Variants in ALKBH5 observed in about 807,000 individuals in gnomAD.
ALKBH5 encodes RNA demethylase ALKBH5.
A neutral mutation model predicts 32.1 loss-of-function variants in ALKBH5; 2 were observed. That is an observed-to-expected ratio of 0.06 (90% CI 0.03 to 0.20). ALKBH5 has a LOEUF of 0.20. ALKBH5 is among the 10% of genes least tolerant of loss of function. The pLI, the probability that ALKBH5 is intolerant of heterozygous loss-of-function variation, is 1.00. For missense variants in ALKBH5, 352 were observed against 559.5 expected (o/e 0.63, Z 3.74); for synonymous variants, 300 against 231.7 (o/e 1.29, Z -2.68).
In ALKBH5 at chr17:18,184,012, G is replaced by A. The variant is rs1331828430; in HGVS notation, c.-232G>A. ...GCGCCCCTGCCCCGCGGGACGTGGA[G>A]AAGGTGGAGGAGGAAGAAGCCCCGT... On this transcript the variant is annotated 5_prime_UTR_variant, in exon 1 of 4. Transcript: ENST00000399138. 3.0e-6 allele frequency: 2 copies of A among 667,300 alleles called. No individual in the cohort carries two copies. Among genetic ancestry groups the A allele is most frequent in the Non-Finnish European group, 5.5e-6 (2 of 365,896 alleles). 41.3% of individuals were successfully genotyped at this position (667,300 alleles called of 1,614,324 possible).
chr17:18,184,627 A>G lies in ALKBH5; in HGVS notation c.384A>G (p.Pro128=), dbSNP rs200511785. 145 of 1,613,216 alleles carry G rather than the reference A, an allele frequency of 9.0e-5. 2 individuals carry two copies. Among genetic ancestry groups the G allele is most frequent in the Non-Finnish European group, 1.1e-4 (135 of 1,179,992 alleles). ...ACGAGCACACGGTGGACCGGGCCCC[A>G]CTGCGCAACAAGTACTTCTTCGGCG... is the stretch of plus-strand genomic sequence containing the variant. ...LYNEHTVDRA[P]LRNKYFFGEG... The change falls in exon 1 of 4, where the codon CCA becomes CCG. Residue 128 remains proline (P), a synonymous_variant. Coordinates refer to ENST00000399138, the MANE Select transcript of ALKBH5 (RefSeq NM_017758.4).
chr17:18,186,455 C>T (rs1473366595), intron 1 of ALKBH5, among the ~76,000 whole-genome samples: 1 of 152,228 alleles, frequency 6.6e-6, no homozygotes, highest in East Asian at 1.9e-4. Flanking sequence ...ACCATTTGGT[C>T]TCTTAGCGGG....
At chr17:18,192,118 C>T (rs1002402033) in intron 1 of ALKBH5, among the ~76,000 whole-genome samples, 1 of 152,178 alleles carries the variant, frequency 6.6e-6, no homozygotes, top group African/African-American at 2.4e-5. Flanking sequence ...CCAGGCGGCC[C>T]CCACTACTGG....
intron 1 of ALKBH5, among the ~76,000 whole-genome samples, chr17:18,190,572 AT>A (rs1159739271): frequency 6.2e-5 from 9 of 146,146 alleles, no homozygotes; most frequent in Non-Finnish European, 1.1e-4. Context: ...AAAAAAAAAA[AT>A]TTCAGACACC....
At chr17:18,205,630 C>T (rs1433860141) in intron 2 of ALKBH5, among the ~76,000 whole-genome samples, 2 of 152,216 alleles carry the variant, frequency 1.3e-5, no homozygotes, top group Non-Finnish European at 2.9e-5. Context: ...GCATGACTTA[C>T]TGCCTTTCTG....
rs61999283 is a variant in ALKBH5, at chr17:18,184,442, G to C, written c.199G>C (p.Glu67Gln). 1 of 1,606,156 alleles carries C rather than the reference G, an allele frequency of 6.2e-7. No individual in the cohort carries two copies. Among genetic ancestry groups the C allele is most frequent in the Non-Finnish European group, 8.5e-7 (1 of 1,176,748 alleles). ...KRKYQEDSDP[E>Q]RSDYEEQQLQ... ...CAAGTATCAGGAGGACTCGGACCCC[G>C]AGCGCAGCGACTATGAGGAGCAGCA... The change falls in exon 1 of 4, where the codon GAG (glutamate) becomes CAG (glutamine). Residue 67 changes from glutamate to glutamine, a missense_variant. Transcript: ENST00000399138.
intron 1 of ALKBH5, among the ~76,000 whole-genome samples, chr17:18,190,462 T>G (rs1220167203): frequency 6.6e-6 from 1 of 151,152 alleles, no homozygotes; most frequent in Non-Finnish European, 1.5e-5. Flanking sequence ...AGGCAGAGAA[T>G]TGCTTGAACC....
chr17:18,207,039 C>G (rs1360955352), intron 3 of ALKBH5, 69 bp downstream of exon 3: 1 of 1,571,636 alleles, frequency 6.4e-7, no homozygotes, highest in Non-Finnish European at 8.6e-7. Flanking sequence ...GGTGGAGAAG[C>G]CTGGGGTAGG....
chr17:18,195,007 G>C lies in ALKBH5; in HGVS notation c.823G>C (p.Glu275Gln). Residue 275 changes from glutamate (E) to glutamine (Q), a missense_variant, in exon 2 of 4, where the codon GAG becomes CAG. Transcript: ENST00000399138. ...CTGCATACGGCCTCAGGACATCAAG[G>C]AGCGCCGAGCAGTCATCATCCTCAG... is the stretch of plus-strand genomic sequence containing the variant. ...THCIRPQDIK[E>Q]RRAVIILRKT... 14 of 1,613,714 alleles carry C rather than the reference G, an allele frequency of 8.7e-6. No homozygotes were observed. The highest frequency in any genetic ancestry group is 1.2e-5 in the Non-Finnish European group (14 of 1,179,968).
At position 18,184,302 on chromosome 17, in the gene ALKBH5, G is replaced by T; in HGVS notation, c.59G>T (p.Arg20Leu). ...GAGAAGCTCAAGTCCATGACGTCCC[G>T]GGACAACTATAAGGCGGGCAGCCGG... is the stretch of plus-strand genomic sequence containing the variant. ...LREKLKSMTS[R>L]DNYKAGSREA... is the part of the protein sequence containing the mutation. Residue 20 changes from arginine (R) to leucine (L), a missense_variant, in exon 1 of 4, where the codon CGG becomes CTG. This residue lies in a region of ALKBH5 where 144 missense variants were observed against 125.8 expected (regional missense o/e 1.14). Coordinates refer to ENST00000399138, the MANE Select transcript of ALKBH5 (RefSeq NM_017758.4). The T allele has an allele frequency of 6.5e-7, 1 of 1,527,594 alleles. No homozygotes were observed. The highest frequency in any genetic ancestry group is 2.6e-5 in the East Asian group (1 of 38,874). The allele number at this position is 1,527,594 out of a possible 1,614,324, so 94.6% of individuals were successfully genotyped here.
chr17:18,201,786 G>GATAA lies in ALKBH5; in HGVS notation c.852-5029_852-5028insATAA, dbSNP rs200689873. ...AGATAGATAGATAGATAGATAGATA[G>GATAA]GATAGATAAGATAGATAGATAGATA... On this transcript the variant is annotated intron_variant, in intron 2 of 3. Coordinates refer to ENST00000399138, the MANE Select transcript of ALKBH5 (RefSeq NM_017758.4). 7.5e-4 allele frequency among the ~76,000 whole-genome samples: 63 copies of GATAA among 84,362 alleles called. 1 individual carries two copies. Among genetic ancestry groups the GATAA allele is most frequent in the Middle Eastern group, 7.0e-3 (1 of 142 alleles). The allele number at this position is 84,362 out of a possible 152,430, so 55.3% of individuals were successfully genotyped here.
intron 2 of ALKBH5, among the ~76,000 whole-genome samples, chr17:18,201,801 A>AT (rs1408591779): frequency 8.4e-5 from 5 of 59,750 alleles, no homozygotes; most frequent in African/African-American, 1.7e-4. Flanking sequence ...GATAAGATAG[A>AT]TAGATAGATA....
At position 18,184,200 on chromosome 17, in the gene ALKBH5, GC is replaced by G; in HGVS notation, c.-40del. On this transcript the variant is annotated 5_prime_UTR_variant, in exon 1 of 4. An upstream open reading frame in the 5' UTR loses its in-frame stop. Transcript: ENST00000399138. Reference sequence around the variant, plus strand: ...CGTCCCCTTAGAGCCATGCCCGGCTGCCCCGCCCGCCCCGGAGGACCCTAGA... The same window carrying G: ...CGTCCCCTTAGAGCCATGCCCGGCTGCCCGCCCGCCCCGGAGGACCCTAGA... 6.9e-7 allele frequency: 1 copy of G among 1,448,658 alleles called. No homozygotes were observed. Among genetic ancestry groups the G allele is most frequent in the Non-Finnish European group, 9.1e-7 (1 of 1,103,658 alleles). 89.7% of individuals were successfully genotyped at this position (1,448,658 alleles called of 1,614,324 possible). A position where few individuals can be genotyped will look rare whatever the true frequency, so the allele number is the denominator to read the frequency against.
chr17:18,200,419 A>T (rs2047229897), intron 2 of ALKBH5, among the ~76,000 whole-genome samples: 1 of 152,100 alleles, frequency 6.6e-6, no homozygotes, highest in African/African-American at 2.4e-5. Context: ...TATTCTTGAG[A>T]TTGGTACTCT....
intron 2 of ALKBH5, among the ~76,000 whole-genome samples, chr17:18,201,958 T>C (rs2047243964): frequency 6.6e-6 from 1 of 151,968 alleles, no homozygotes. Flanking sequence ...AAGGCTGCAG[T>C]GAGCTGTAAT....
At chr17:18,188,054 C>T (rs1027634771) in intron 1 of ALKBH5, among the ~76,000 whole-genome samples, 6 of 152,248 alleles carry the variant, frequency 3.9e-5, no homozygotes, top group African/African-American at 1.4e-4. Flanking sequence ...GTGCTTCAAA[C>T]TCCTTTCCAA....
Position 18,184,260 on chromosome 17 carries a change from G to A in ALKBH5, c.17G>A (p.Gly6Asp), listed in dbSNP as rs1460271736. ...GTGGGGGCCATGGCGGCCGCCAGCG[G>A]CTACACGGACCTGCGTGAGAAGCTC... MAAAS[G>D]YTDLREKLKS... Residue 6 changes from glycine (G) to aspartate (D), a missense_variant, in exon 1 of 4, where the codon GGC becomes GAC. Transcript: ENST00000399138. 3.9e-6 allele frequency: 6 copies of A among 1,520,292 alleles called. No homozygotes were observed. The highest frequency in any genetic ancestry group is 8.8e-7 in the Non-Finnish European group (1 of 1,138,510). The allele number at this position is 1,520,292 out of a possible 1,614,324, so 94.2% of individuals were successfully genotyped here.
At chr17:18,201,985 A>C (rs1298123693) in intron 2 of ALKBH5, among the ~76,000 whole-genome samples, 1 of 151,922 alleles carries the variant, frequency 6.6e-6, no homozygotes, top group Non-Finnish European at 1.5e-5. Context: ...CGTGCACTCC[A>C]GGCTGGGTGA....
rs778708849 is a variant in ALKBH5 at position 18,184,600 on chromosome 17, C to T, written c.357C>T (p.Tyr119=). 4 of 1,613,226 alleles carry T rather than the reference C, an allele frequency of 2.5e-6. No individual in the cohort carries two copies. The East Asian group carries it at 8.9e-5, about 36-fold the overall frequency. ...EVVSRAEKGL[Y]NEHTVDRAPL... The stretch of plus-strand genomic sequence containing the variant: ...TGTCCCGCGCTGAGAAGGGCCTGTA[C>T]AACGAGCACACGGTGGACCGGGCCC... Residue 119 remains tyrosine, a synonymous_variant, in exon 1 of 4, where the codon TAC becomes TAT. Transcript: ENST00000399138.
Sources: allele counts gnomAD v4.1 joint callset (sites outside exome capture counted in the v4.1 genomes callset), GRCh38; gene constraint gnomAD v4.1.1; regional missense constraint gnomAD v4.1.1; transcripts MANE v1.5; gene names NCBI Gene and HGNC (gene_info 2026-07-23, HGNC 2026-07-21).